Variants in DIAPH2 observed in about 807,000 individuals in gnomAD.
The protein encoded by DIAPH2 is diaphanous related formin 2.
A neutral mutation model predicts 92.7 loss-of-function variants in DIAPH2; 35 were observed. The ratio of observed to expected loss-of-function variants is 0.38; its 90% CI spans 0.29 to 0.50. The LOEUF (loss-of-function observed/expected upper bound fraction) is 0.50. Ranked by LOEUF, DIAPH2 falls within the 20% of genes least tolerant of loss-of-function variation. The pLI, the probability that DIAPH2 is intolerant of heterozygous loss-of-function variation, is 0.94. For synonymous variants in DIAPH2, 301 were observed against 280.4 expected (o/e 1.07, Z -0.73); for missense variants, 701 against 819.5 (o/e 0.86, Z 1.77).
At chrX:97,050,657 T>C (rs906246757) in intron 17 of DIAPH2, among the ~76,000 whole-genome samples, 4 of 110,829 alleles carry the variant, frequency 3.6e-5, no homozygotes, top group Non-Finnish European at 3.8e-5. Context: ...AACTTTGTTA[T>C]GCTCTTTGAG....
At chrX:97,356,590 C>A (rs1310870072) in intron 24 of DIAPH2, among the ~76,000 whole-genome samples, 1 of 111,971 alleles carries the variant, frequency 8.9e-6, no homozygotes, top group Non-Finnish European at 1.9e-5. Flanking sequence ...TTACAGATAT[C>A]ATTGAATTCT....
At chrX:97,111,006 AGAT>A (rs1299484496) in intron 20 of DIAPH2, among the ~76,000 whole-genome samples, 1 of 111,130 alleles carries the variant, frequency 9.0e-6, no homozygotes, top group African/African-American at 3.3e-5. Context: ...AAAAAAAAAA[AGAT>A]GCCCTATTTG....
At chrX:97,409,885 G>A (rs1459912613) in intron 25 of DIAPH2, among the ~76,000 whole-genome samples, 9 of 112,672 alleles carry the variant, frequency 8.0e-5, no homozygotes, top group Admixed American at 1.9e-4. Context: ...CGAACTGGGC[G>A]GAGCCCACCT....
chrX:96,974,612 GT>G (rs1175427635), intron 17 of DIAPH2, among the ~76,000 whole-genome samples: 1 of 111,520 alleles, frequency 9.0e-6, no homozygotes, highest in African/African-American at 3.3e-5. Context: ...AAATATATAT[GT>G]TAGAAACAGC....
At chrX:97,535,385 A>G (rs979185834) in intron 26 of DIAPH2, among the ~76,000 whole-genome samples, 6 of 112,476 alleles carry the variant, frequency 5.3e-5, no homozygotes, top group African/African-American at 1.9e-4. Flanking sequence ...TTATATGAAC[A>G]GTGATGTTGG....
intron 22 of DIAPH2, among the ~76,000 whole-genome samples, chrX:97,163,754 A>C (rs962208190): frequency 1.4e-4 from 16 of 112,071 alleles, no homozygotes; most frequent in Non-Finnish European, 3.0e-4. Context: ...CTCTATGCTT[A>C]TATTTAGTTC....
At chrX:97,266,218 A>G (rs777417620) in intron 23 of DIAPH2, among the ~76,000 whole-genome samples, 1 of 112,383 alleles carries the variant, frequency 8.9e-6, no homozygotes, top group African/African-American at 3.2e-5. Flanking sequence ...CTAATGGCGA[A>G]TAAGTCATAG....
chrX:96,909,468 T>C (rs2065455994), intron 5 of DIAPH2, among the ~76,000 whole-genome samples: 1 of 111,147 alleles, frequency 9.0e-6, no homozygotes, highest in South Asian at 3.9e-4. Flanking sequence ...GTTTGATGTC[T>C]GAAAGGCAGA....
At chrX:97,093,252 A>G (rs774898547) in intron 19 of DIAPH2, among the ~76,000 whole-genome samples, 32 of 110,499 alleles carry the variant, frequency 2.9e-4, no homozygotes, top group Non-Finnish European at 5.9e-4. Flanking sequence ...AAAGAAAACC[A>G]GTAAACCAGT....
At chrX:97,423,120 C>T (rs759054632) in intron 25 of DIAPH2, among the ~76,000 whole-genome samples, 1 of 111,468 alleles carries the variant, frequency 9.0e-6, no homozygotes. Flanking sequence ...GGAATCCCTG[C>T]TTAGGGAACC....
intron 20 of DIAPH2, among the ~76,000 whole-genome samples, chrX:97,106,832 T>C (rs1054550954): frequency 8.9e-6 from 1 of 111,929 alleles, no homozygotes; most frequent in African/African-American, 3.2e-5. Flanking sequence ...CTCAGGAGGC[T>C]GAGGCAGGAG....
chrX:97,051,971 A>T (rs2066523368), intron 17 of DIAPH2, among the ~76,000 whole-genome samples: 1 of 112,176 alleles, frequency 8.9e-6, no homozygotes. Context: ...TTATCTGTTA[A>T]TTCAAACAAT....
chrX:97,458,860 T>C (rs149358551), intron 26 of DIAPH2, among the ~76,000 whole-genome samples: 1,572 of 111,894 alleles, frequency 0.014, 33 homozygotes, highest in African/African-American at 0.048. Context: ...GTTGTCTCTC[T>C]AGAATCCTCT....
At chrX:96,985,287 A>G (rs956361330) in intron 17 of DIAPH2, among the ~76,000 whole-genome samples, 5 of 110,941 alleles carry the variant, frequency 4.5e-5, no homozygotes, top group Admixed American at 3.8e-4. Flanking sequence ...GAGTTTCTAG[A>G]TTATCCACAT....
intron 26 of DIAPH2, among the ~76,000 whole-genome samples, chrX:97,453,078 G>T (rs181184575): frequency 1.4e-4 from 15 of 110,789 alleles, no homozygotes; most frequent in African/African-American, 4.9e-4. Flanking sequence ...TTTACATTTT[G>T]TTTTTTTCTT....
intron 22 of DIAPH2, among the ~76,000 whole-genome samples, chrX:97,187,281 CTTTTTTTTTT>C (rs763781923): frequency 1.6e-4 from 6 of 36,889 alleles, no homozygotes; most frequent in African/African-American, 6.2e-4. Context: ...ATTAAGTAGC[CTTTTTTTTTT>C]TTTTTTTTTT....
chrX:97,092,160 A>AT (rs1395066286), intron 19 of DIAPH2, among the ~76,000 whole-genome samples: 9 of 110,851 alleles, frequency 8.1e-5, no homozygotes, highest in South Asian at 3.8e-4. Context: ...CTTTCTTTTT[A>AT]TTTTTTTTCC....
chrX:96,849,831 C>G (rs926163697), intron 4 of DIAPH2, among the ~76,000 whole-genome samples: 3 of 112,072 alleles, frequency 2.7e-5, no homozygotes, highest in African/African-American at 9.7e-5. Flanking sequence ...TCACTCAGAA[C>G]AAACATAATA....
intron 26 of DIAPH2, among the ~76,000 whole-genome samples, chrX:97,434,329 C>G (rs897670222): frequency 9.1e-6 from 1 of 109,674 alleles, no homozygotes; most frequent in Non-Finnish European, 1.9e-5. Flanking sequence ...GATAATTTAG[C>G]GTGAGAGGAG....
Sources: gnomAD v4.1 joint callset for allele counts (sites outside exome capture counted in the v4.1 genomes callset) on GRCh38, gnomAD v4.1.1 for gene constraint, MANE v1.5 for transcripts, NCBI Gene and HGNC (gene_info 2026-07-23, HGNC 2026-07-21) for gene names.